The following DNAH5 variants were observed in gnomAD, a reference collection of about 807,000 sequenced individuals.
DNAH5 encodes the protein axonemal beta dynein heavy chain 5.
DNAH5 carries 372 observed loss-of-function variants against 518.2 expected under a neutral mutation model. The observed-to-expected ratio is 0.72, with a 90% CI of 0.66 to 0.78. DNAH5 has a LOEUF of 0.78. Among genes scored for constraint, DNAH5 ranks in the 30% least tolerant of loss-of-function variants. The pLI, the probability that DNAH5 is intolerant of heterozygous loss-of-function variation, is 0.00. For synonymous variants in DNAH5, 2,039 were observed against 2,025.9 expected, an observed-to-expected ratio of 1.01 and a Z score of -0.17; for missense variants, 5,523 against 5,687.0, an observed-to-expected ratio of 0.97 and a Z score of 0.93.
At chr5:13,909,789 C>G in intron 12 of DNAH5, among the ~76,000 whole-genome samples, 1 of 152,184 alleles carries the variant, frequency 6.6e-6, no homozygotes, top group East Asian at 1.9e-4. Context: ...TGCCTCCTAT[C>G]TGACTATGAG....
At chr5:13,850,941 C>T (rs888594721) in intron 30 of DNAH5, 126 bp from the exon 31 acceptor site, 8 of 895,484 alleles carry the variant, frequency 8.9e-6, no homozygotes, top group Non-Finnish European at 1.5e-5. Flanking sequence ...CAATATATGC[C>T]TAATGTCACA....
chr5:13,939,183 C>A (rs1779235436), intron 1 of DNAH5, among the ~76,000 whole-genome samples: 2 of 152,180 alleles, frequency 1.3e-5, no homozygotes, highest in African/African-American at 2.4e-5. Flanking sequence ...GGCCCTGGCA[C>A]ACTGAAGATC....
At chr5:13,823,406 C>G in intron 39 of DNAH5, 36 bp from the exon 40 acceptor site, 1 of 1,370,556 alleles carries the variant, frequency 7.3e-7, no homozygotes, top group Non-Finnish European at 1.0e-6. Context: ...ACCAATTATT[C>G]TGGTATAAAC....
intron 47 of DNAH5, among the ~76,000 whole-genome samples, chr5:13,794,517 ACAGCT>A (rs1231569470): frequency 6.6e-5 from 10 of 152,312 alleles, no homozygotes; most frequent in African/African-American, 2.4e-4. Context: ...GTCACCTGGC[ACAGCT>A]CATACCCACT....
intron 68 of DNAH5, among the ~76,000 whole-genome samples, chr5:13,733,681 CTT>C (rs1455091582): frequency 6.6e-6 from 1 of 152,080 alleles, no homozygotes; most frequent in Non-Finnish European, 1.5e-5. Context: ...ACAGATGAGT[CTT>C]TGTTGCTACT....
At chr5:13,943,505 C>T (rs753976134) in intron 1 of DNAH5, among the ~76,000 whole-genome samples, 3 of 152,216 alleles carry the variant, frequency 2.0e-5, no homozygotes, top group Non-Finnish European at 2.9e-5. Flanking sequence ...AGTGCATGGA[C>T]TGGCTGGAGT....
chr5:13,707,886 C>T lies in DNAH5; in HGVS notation c.13338+237G>A, dbSNP rs1283656439. On this transcript the variant is annotated intron_variant, in intron 76 of 78. Coordinates refer to ENST00000265104, the MANE Select transcript of DNAH5 (RefSeq NM_001369.3). The surrounding 1 kb of genome is among the most constrained non-coding windows in gnomAD (Gnocchi z 4.0). ...TCTGTAAAATAAGAGCAGTAAAATA[C>T]AAAATTTAAGTAAAATAACGCATGT... 6.6e-6 allele frequency among the ~76,000 whole-genome samples: 1 copy of T among 152,048 alleles called. No homozygotes were observed. Among genetic ancestry groups the T allele is most frequent in the African/African-American group, 2.4e-5 (1 of 41,406 alleles).
At chr5:13,838,371 G>T (rs6867799) in intron 35 of DNAH5, among the ~76,000 whole-genome samples, 59,589 of 151,690 alleles carry the variant, frequency 0.39, 11,924 homozygotes, top group East Asian at 0.6. Context: ...AGTGAGAGAA[G>T]CTTCATCTCT....
chr5:13,859,372 T>C, intron 30 of DNAH5, 80 bp downstream of exon 30: 11 of 1,447,182 alleles, frequency 7.6e-6, no homozygotes, highest in Non-Finnish European at 9.7e-6. Context: ...AGTGGAATAT[T>C]ATTGCATTAT....
intron 1 of DNAH5, among the ~76,000 whole-genome samples, chr5:13,950,187 A>C (rs939025807): frequency 6.6e-6 from 1 of 152,224 alleles, no homozygotes; most frequent in Admixed American, 6.5e-5. Flanking sequence ...ACACTGCAGT[A>C]CTGTTATGCC....
chr5:13,782,628 C>T (rs1755350258), intron 52 of DNAH5, among the ~76,000 whole-genome samples: 1 of 152,180 alleles, frequency 6.6e-6, no homozygotes, highest in African/African-American at 2.4e-5. Flanking sequence ...ACTTTTCAAC[C>T]ATCATCATTT....
chr5:13,810,282 T>C, intron 44 of DNAH5, 22 bp from the exon 45 acceptor site: 10 of 1,546,566 alleles, frequency 6.5e-6, no homozygotes, highest in Non-Finnish European at 8.7e-6. Flanking sequence ...AGACACTTTT[T>C]TTTAATAACT....
At chr5:13,885,565 G>C (rs1772305038) in intron 18 of DNAH5, among the ~76,000 whole-genome samples, 1 of 152,102 alleles carries the variant, frequency 6.6e-6, no homozygotes, top group African/African-American at 2.4e-5. Context: ...AACTTTGGGG[G>C]GATAATTTCC....
chr5:13,714,690 G>T, intron 74 of DNAH5, 70 bp from the exon 75 acceptor site: 2 of 1,494,468 alleles, frequency 1.3e-6, no homozygotes, highest in Non-Finnish European at 1.8e-6. Context: ...ACTATTTTAG[G>T]AAACAAAAAT....
intron 42 of DNAH5, 103 bp from the exon 43 acceptor site, chr5:13,814,949 T>C (rs1580387642): frequency 9.2e-7 from 1 of 1,081,124 alleles, no homozygotes; most frequent in South Asian, 1.5e-5. Context: ...TAGATGTAAT[T>C]TTCATTAATT....
chr5:14,001,790 C>T (rs1449477953), intron 1 of DNAH5, among the ~76,000 whole-genome samples: 1 of 151,802 alleles, frequency 6.6e-6, no homozygotes, highest in Non-Finnish European at 1.5e-5. Context: ...GACAGCTAAG[C>T]ACATTGTGTA....
intron 22 of DNAH5, 136 bp from the exon 23 acceptor site, chr5:13,871,901 T>C (rs768068795): frequency 2.3e-5 from 19 of 818,292 alleles, no homozygotes; most frequent in Non-Finnish European, 3.8e-5. Context: ...TATCTGGAAA[T>C]GCCAAAGAAC....
chr5:13,993,080 C>A (rs1783672158), intron 1 of DNAH5, among the ~76,000 whole-genome samples: 1 of 152,222 alleles, frequency 6.6e-6, no homozygotes, highest in South Asian at 2.1e-4. Context: ...AAGTCATAGA[C>A]ACAGAGCATG....
chr5:13,858,253 T>A (rs1276103341), intron 30 of DNAH5, among the ~76,000 whole-genome samples: 1 of 152,074 alleles, frequency 6.6e-6, no homozygotes, highest in Non-Finnish European at 1.5e-5. Flanking sequence ...AAAGGAGGAA[T>A]CCATGTCCTT....
Sources: allele counts gnomAD v4.1 joint callset (sites outside exome capture counted in the v4.1 genomes callset), GRCh38; gene constraint gnomAD v4.1.1; non-coding constraint Gnocchi (gnomAD v3.1); transcripts MANE v1.5; gene names NCBI Gene and HGNC (gene_info 2026-07-23, HGNC 2026-07-21).